SEC23IP: variants seen among roughly 807,000 people sequenced by gnomAD.
SEC23IP encodes SEC23-interacting protein.
SEC23IP carries 70 observed loss-of-function variants against 113.4 expected under a neutral mutation model. The observed-to-expected ratio is 0.62, with a 90% CI of 0.51 to 0.75. SEC23IP has a LOEUF of 0.75. SEC23IP is among the 30% of genes least tolerant of loss of function. The pLI is 0.00. For synonymous variants in SEC23IP, 398 were observed against 421.0 expected (o/e 0.95, Z 0.67); for missense variants, 1,160 against 1,204.9 (o/e 0.96, Z 0.55).
intron 11 of SEC23IP, 95 bp downstream of exon 11, chr10:119,919,691 A>G: frequency 1.1e-6 from 1 of 951,554 alleles, no homozygotes; most frequent in South Asian, 2.3e-5. Context: ...AATACACTCC[A>G]GAGTAGACAA....
At chr10:119,930,977 A>T (rs185646812) in intron 15 of SEC23IP, among the ~76,000 whole-genome samples, 5 of 152,206 alleles carry the variant, frequency 3.3e-5, no homozygotes, top group Admixed American at 6.5e-5. Context: ...GTGATTACGC[A>T]CTCTTATGTG....
chr10:119,917,898 T>C lies in SEC23IP; in HGVS notation c.1607T>C (p.Leu536Ser). Residue 536 changes from leucine (L) to serine (S), a missense_variant, in exon 9 of 19, where the codon TTG becomes TCG. Transcript: ENST00000369075. ...TTTCGTCACTTTACCAATGAAACTT[T>C]GCTAGATATTTTATTTTATAACAGC... ...GRFRHFTNET[L>S]LDILFYNSPT... The C allele has an allele frequency of 6.2e-7, 1 of 1,614,132 alleles. No homozygotes were observed. Among genetic ancestry groups the C allele is most frequent in the Non-Finnish European group, 8.5e-7 (1 of 1,179,998 alleles).
At chr10:119,918,123 G>A in intron 9 of SEC23IP, 79 bp downstream of exon 9, 1 of 1,147,182 alleles carries the variant, frequency 8.7e-7, no homozygotes, top group East Asian at 2.4e-5. Context: ...GATATTGTTA[G>A]TGCAAAATTA....
rs1855996852 is a variant in SEC23IP, at chr10:119,942,650, T to C, written c.*2085T>C. On this transcript the variant is annotated 3_prime_UTR_variant, in exon 19 of 19. Transcript: ENST00000369075. ...CTGTAGTTATTCCAAAAGTGTTTCA[T>C]GTGTAGAGTTTGGCACAAAAAGTAA... 1 of 152,194 alleles carries C rather than the reference T, an allele frequency of 6.6e-6. No homozygotes were observed. The highest frequency in any genetic ancestry group is 6.6e-5 in the Admixed American group (1 of 15,266). 9.4% of individuals were successfully genotyped at this position (152,194 alleles called of 1,614,324 possible). A position where few individuals can be genotyped will look rare whatever the true frequency, so the allele number is the denominator to read the frequency against.
chr10:119,924,859 C>T (rs1289462008), intron 12 of SEC23IP, among the ~76,000 whole-genome samples: 1 of 152,098 alleles, frequency 6.6e-6, no homozygotes, highest in Non-Finnish European at 1.5e-5. Context: ...CTCACTGCAG[C>T]CTCCACCTCC....
At chr10:119,902,694 C>G in intron 2 of SEC23IP, 105 bp from the exon 3 acceptor site, 3 of 892,052 alleles carry the variant, frequency 3.4e-6, no homozygotes, top group Non-Finnish European at 5.3e-6. Context: ...AAGTAATTGT[C>G]CAGATATACA....
In SEC23IP at chr10:119,912,085, G is replaced by C. The variant is rs1854881139; in HGVS notation, c.1233G>C (p.Trp411Cys). The C allele has an allele frequency of 6.2e-7, 1 of 1,613,920 alleles. No individual in the cohort carries two copies. Among genetic ancestry groups the C allele is most frequent in the Non-Finnish European group, 8.5e-7 (1 of 1,179,966 alleles). The part of the protein sequence containing the change: ...QFQPSSVPDE[W>C]GTTQDGQTRP... ...AGCCCTCCTCAGTGCCAGATGAATG[G>C]GGCACCACGCAAGATGGACAGACAA... The change falls in exon 6 of 19, where the codon TGG becomes TGC. Residue 411 changes from tryptophan to cysteine, a missense_variant. Transcript: ENST00000369075.
Position 119,920,894 on chromosome 10 carries a change from G to A in SEC23IP, c.2031G>A (p.Met677Ile), listed in dbSNP as rs751525076. ...TTGTCTGTTTCCTTTTAAAGCTTAT[G>A]TGTACAGTTGATGACCTGAAGGAAA... ...KEKIDMESLLMCTVDDLKEMG... is the reference protein window; with the variant it reads ...KEKIDMESLLICTVDDLKEMG... Residue 677 changes from methionine to isoleucine, a missense_variant, in exon 12 of 19, where the codon ATG becomes ATA. Physicochemically the swap from Met to Ile is conservative, Grantham distance 10 (BLOSUM62 1). Transcript: ENST00000369075. 10 of 1,604,180 alleles carry A rather than the reference G, an allele frequency of 6.2e-6. No homozygotes were observed. The African/African-American group carries it at 8.0e-5, about 13-fold the overall frequency.
intron 6 of SEC23IP, 77 bp from the exon 7 acceptor site, chr10:119,914,653 A>T: frequency 8.9e-7 from 1 of 1,126,428 alleles, no homozygotes; most frequent in South Asian, 1.3e-5. Flanking sequence ...GACGAAAGGG[A>T]TATCTAGAAT....
chr10:119,932,508 G>A (rs1855639381), intron 16 of SEC23IP, among the ~76,000 whole-genome samples, 190 bp downstream of exon 16: 1 of 152,040 alleles, frequency 6.6e-6, no homozygotes, highest in Non-Finnish European at 1.5e-5. Flanking sequence ...TCTTTTTTTA[G>A]TGGGTTTTTA....
Position 119,901,051 on chromosome 10 carries a change from G to C in SEC23IP, c.697-1748G>C, listed in dbSNP as rs375199034. 3.7e-3 allele frequency among the ~76,000 whole-genome samples: 514 copies of C among 140,746 alleles called. 8 individuals carry two copies. Among genetic ancestry groups the C allele is most frequent in the African/African-American group, 0.013 (490 of 37,946 alleles). 92.3% of individuals were successfully genotyped at this position (140,746 alleles called of 152,430 possible). Reference sequence around the variant, plus strand: ...TTTTTTTTTTTTAAAGAGTGGGGGGGGGGTCTTGCTCTGTCATCCAGGGTG... The same window carrying C: ...TTTTTTTTTTTTAAAGAGTGGGGGGCGGGTCTTGCTCTGTCATCCAGGGTG... On this transcript the variant is annotated intron_variant, in intron 2 of 18. Transcript: ENST00000369075.
intron 4 of SEC23IP, among the ~76,000 whole-genome samples, chr10:119,905,729 AG>A (rs1854640998): frequency 1.3e-5 from 2 of 152,226 alleles, no homozygotes; most frequent in South Asian, 4.1e-4. Flanking sequence ...GTGGAAAATC[AG>A]GAGAACCTCT....
chr10:119,944,037 T>C lies in SEC23IP; in HGVS notation c.*3472T>C, dbSNP rs1856021790. On this transcript the variant is annotated 3_prime_UTR_variant, in exon 19 of 19. Transcript: ENST00000369075. ...GGTACAGTGAATCCCCATGTGCCCT[T>C]TTCCCAGCTTCAGGGGTGGTGTCAG... 6.6e-6 allele frequency: 1 copy of C among 152,208 alleles called. No homozygotes were observed. The highest frequency in any genetic ancestry group is 2.4e-5 in the African/African-American group (1 of 41,452). 9.4% of individuals were successfully genotyped at this position (152,208 alleles called of 1,614,324 possible). A position where few individuals can be genotyped will look rare whatever the true frequency, so the allele number is the denominator to read the frequency against.
chr10:119,898,563 A>G lies in SEC23IP; in HGVS notation c.300A>G (p.Pro100=), dbSNP rs542021974. The part of the protein sequence containing the change: ...SDPFGNIGQS[P]LTTAATSVGQ... Reference sequence around the variant, plus strand: ...CTTTTGGGAATATTGGACAGTCACCATTAACAACTGCAGCAACCTCAGTTG... The same window carrying G: ...CTTTTGGGAATATTGGACAGTCACCGTTAACAACTGCAGCAACCTCAGTTG... The change falls in exon 2 of 19, where the codon CCA becomes CCG. Residue 100 remains proline, a synonymous_variant. Transcript: ENST00000369075. 1.1e-5 allele frequency: 18 copies of G among 1,614,206 alleles called. No individual in the cohort carries two copies. The East Asian group carries it at 3.6e-4, about 32-fold the overall frequency.
chr10:119,944,047 T>G lies in SEC23IP; in HGVS notation c.*3482T>G, dbSNP rs1353971307. 1 of 152,188 alleles carries G rather than the reference T, an allele frequency of 6.6e-6. No individual in the cohort carries two copies. The highest frequency in any genetic ancestry group is 2.4e-5 in the African/African-American group (1 of 41,438). 9.4% of individuals were successfully genotyped at this position (152,188 alleles called of 1,614,324 possible). The stretch of plus-strand genomic sequence containing the variant: ...ATCCCCATGTGCCCTTTTCCCAGCT[T>G]CAGGGGTGGTGTCAGTGATAATGAT... On this transcript the variant is annotated 3_prime_UTR_variant, in exon 19 of 19. Coordinates refer to ENST00000369075, the MANE Select transcript of SEC23IP (RefSeq NM_007190.4).
chr10:119,922,701 C>T (rs1215375344), intron 12 of SEC23IP, among the ~76,000 whole-genome samples: 2 of 152,160 alleles, frequency 1.3e-5, no homozygotes, highest in Non-Finnish European at 2.9e-5. Flanking sequence ...TAGACATAGA[C>T]AAGCAGTATT....
chr10:119,900,311 AT>A (rs1236807787), intron 2 of SEC23IP, among the ~76,000 whole-genome samples: 4 of 150,706 alleles, frequency 2.7e-5, no homozygotes, highest in East Asian at 1.9e-4. Context: ...ATATATATAT[AT>A]AAAATTTTTT....
rs1289329839 is a variant in SEC23IP, at chr10:119,933,006, A to G, written c.2760A>G (p.Ala920=). Residue 920 remains alanine (A), a splice_region_variant and synonymous_variant, in exon 17 of 19, where the codon GCA becomes GCG. Coordinates refer to ENST00000369075, the MANE Select transcript of SEC23IP (RefSeq NM_007190.4). ...KEEEEKQVVE[A]EKVVESPDFS... ...ATATTGAAATGGTTTAAATTCTAGC[A>G]GAAAAGGTTGTTGAAAGTCCAGATT... The G allele has an allele frequency of 6.2e-7, 1 of 1,612,130 alleles. No individual in the cohort carries two copies. The highest frequency in any genetic ancestry group is 8.5e-7 in the Non-Finnish European group (1 of 1,179,040).
chr10:119,893,254 C>G (rs1246992501), intron 1 of SEC23IP, among the ~76,000 whole-genome samples: 2 of 152,164 alleles, frequency 1.3e-5, no homozygotes, highest in African/African-American at 4.8e-5. Flanking sequence ...GCAGGAAATG[C>G]AAATAAATTA....
Sources: gnomAD v4.1 joint callset for allele counts (sites outside exome capture counted in the v4.1 genomes callset) on GRCh38, gnomAD v4.1.1 for gene constraint, MANE v1.5 for transcripts, NCBI Gene and HGNC (gene_info 2026-07-23, HGNC 2026-07-21) for gene names.